RORA: variants seen among roughly 807,000 people sequenced by gnomAD.
The protein encoded by RORA is RAR related orphan receptor A.
In RORA, 7 loss-of-function variants were observed where a neutral mutation model predicts 69.5. The observed-to-expected ratio is 0.10, with a 90% CI of 0.06 to 0.19. RORA has a LOEUF of 0.19. Among genes scored for constraint, RORA ranks in the 10% least tolerant of loss-of-function variants. RORA has a pLI of 1.00. For synonymous variants in RORA, 261 were observed against 240.8 expected (o/e 1.08, Z -0.78); for missense variants, 457 against 663.0 (o/e 0.69, Z 3.41).
At chr15:61,059,926 G>C (rs548682360) in intron 1 of RORA, among the ~76,000 whole-genome samples, 5 of 129,440 alleles carry the variant, frequency 3.9e-5, no homozygotes, top group African/African-American at 8.6e-5. Context: ...AGAAGAAGAA[G>C]AAGAAGAACA....
intron 2 of RORA, among the ~76,000 whole-genome samples, chr15:60,536,456 C>T (rs1004145635): frequency 6.6e-6 from 1 of 152,166 alleles, no homozygotes; most frequent in Middle Eastern, 3.2e-3. Flanking sequence ...CAGTTCCTAC[C>T]AGCTACCACA....
intron 1 of RORA, among the ~76,000 whole-genome samples, chr15:60,806,269 C>T (rs2072658493): frequency 2.6e-5 from 4 of 152,204 alleles, no homozygotes. Context: ...ACTCTAGCAG[C>T]TGGCTGGCCA....
intron 1 of RORA, among the ~76,000 whole-genome samples, chr15:61,140,943 G>C (rs565557587): frequency 6.6e-6 from 1 of 152,188 alleles, no homozygotes; most frequent in South Asian, 2.1e-4. Flanking sequence ...TGAAAACCTT[G>C]ACAAGCAGCT....
intron 1 of RORA, among the ~76,000 whole-genome samples, chr15:60,802,265 C>T (rs751592222): frequency 3.9e-5 from 6 of 152,226 alleles, no homozygotes; most frequent in Non-Finnish European, 8.8e-5. Context: ...ATGTGAATAG[C>T]AATTCCCAAC....
chr15:60,581,427 T>C (rs1478464374), intron 2 of RORA, among the ~76,000 whole-genome samples: 1 of 152,224 alleles, frequency 6.6e-6, no homozygotes, highest in East Asian at 1.9e-4. Flanking sequence ...ACAATATCAT[T>C]TTCAAAAGTT....
intron 1 of RORA, among the ~76,000 whole-genome samples, chr15:60,728,101 G>A (rs2071385144): frequency 6.6e-6 from 1 of 152,108 alleles, no homozygotes; most frequent in South Asian, 2.1e-4. Flanking sequence ...ATTTTTCCTT[G>A]CATGTTATTG....
At chr15:60,703,458 C>G (rs1356862032) in intron 1 of RORA, among the ~76,000 whole-genome samples, 1 of 152,070 alleles carries the variant, frequency 6.6e-6, no homozygotes, top group Non-Finnish European at 1.5e-5. Context: ...ATAGAACGCA[C>G]AGAGAACACC....
At chr15:60,778,767 T>C (rs2072210792) in intron 1 of RORA, among the ~76,000 whole-genome samples, 1 of 152,190 alleles carries the variant, frequency 6.6e-6, no homozygotes, top group Non-Finnish European at 1.5e-5. Context: ...TCTTTCCCTT[T>C]TGAGTCAGGA....
At chr15:61,187,511 G>A (rs991442369) in intron 1 of RORA, among the ~76,000 whole-genome samples, 4 of 152,280 alleles carry the variant, frequency 2.6e-5, no homozygotes, top group Non-Finnish European at 5.9e-5. Flanking sequence ...GAGGGGTGGC[G>A]GTAGGGATGG....
rs377315810 is a variant in RORA, at chr15:60,753,173, C to T, written c.167-74487G>A. Among the ~76,000 whole-genome samples the T allele has an allele frequency of 1.6e-3, 238 of 152,262 alleles. 8 individuals are homozygous for T. In the South Asian group the frequency reaches 0.046, roughly 29 times the overall value. ...AGAACAGGGAGCAGCACGTGGATGG[C>T]GTAGAAAAGGGACCCCTTTAAGTCC... On this transcript the variant is annotated intron_variant, in intron 1 of 10. Coordinates refer to ENST00000335670, the MANE Select transcript of RORA (RefSeq NM_134261.3).
At chr15:60,795,579 T>C (rs1336496545) in intron 1 of RORA, among the ~76,000 whole-genome samples, 4 of 152,212 alleles carry the variant, frequency 2.6e-5, no homozygotes, top group Admixed American at 1.3e-4. Flanking sequence ...GATGCAATGA[T>C]GAAGGAGGGA....
chr15:61,171,252 G>A (rs562406391), intron 1 of RORA, among the ~76,000 whole-genome samples: 19 of 152,248 alleles, frequency 1.2e-4, no homozygotes, highest in Admixed American at 3.3e-4. Flanking sequence ...CCATCCAGGG[G>A]CACACGGTGG....
At chr15:60,937,546 C>A (rs894974645) in intron 1 of RORA, among the ~76,000 whole-genome samples, 1 of 152,188 alleles carries the variant, frequency 6.6e-6, no homozygotes, top group Non-Finnish European at 1.5e-5. Context: ...TTCATATGCA[C>A]TGGGGGCAGA....
chr15:60,802,958 A>G, intron 1 of RORA, among the ~76,000 whole-genome samples: 1 of 147,342 alleles, frequency 6.8e-6, no homozygotes, highest in South Asian at 2.2e-4. Flanking sequence ...TTTCTTTTTT[A>G]AAAAAAAAAA....
chr15:60,725,542 C>G (rs2071346019), intron 1 of RORA, among the ~76,000 whole-genome samples: 2 of 152,184 alleles, frequency 1.3e-5, no homozygotes, highest in Admixed American at 1.3e-4. Context: ...GTGTCCACCC[C>G]CTCAAGCACG....
intron 1 of RORA, among the ~76,000 whole-genome samples, chr15:61,059,585 T>C (rs553316576): frequency 4.6e-4 from 70 of 152,310 alleles, no homozygotes; most frequent in African/African-American, 1.7e-3. Context: ...TTGAGATACG[T>C]TATTGCCATT....
intron 1 of RORA, among the ~76,000 whole-genome samples, chr15:60,912,026 G>A (rs1462899792): frequency 1.3e-5 from 2 of 152,028 alleles, no homozygotes; most frequent in African/African-American, 2.4e-5. Flanking sequence ...CTGATTTGAG[G>A]GAAGGTCACA....
chr15:60,596,666 A>G (rs1254394091), intron 2 of RORA, among the ~76,000 whole-genome samples: 1 of 152,216 alleles, frequency 6.6e-6, no homozygotes, highest in Admixed American at 6.5e-5. Flanking sequence ...GGTGAGACCC[A>G]GAAGCCAACA....
intron 1 of RORA, among the ~76,000 whole-genome samples, chr15:60,704,071 A>G (rs1368456409): frequency 6.6e-6 from 1 of 152,226 alleles, no homozygotes; most frequent in African/African-American, 2.4e-5. Flanking sequence ...ACTGCTTTCA[A>G]AAAACATCAA....
Sources: allele counts gnomAD v4.1 joint callset (sites outside exome capture counted in the v4.1 genomes callset), GRCh38; gene constraint gnomAD v4.1.1; transcripts MANE v1.5; gene names NCBI Gene and HGNC (gene_info 2026-07-23, HGNC 2026-07-21).